The following ZNF516 variants were observed in gnomAD, a reference collection of about 807,000 sequenced individuals.
ZNF516 encodes the protein zinc finger protein 516.
ZNF516 carries 19 observed loss-of-function variants against 79.7 expected under a neutral mutation model. The observed-to-expected ratio is 0.24, with a 90% CI of 0.17 to 0.35. The LOEUF (loss-of-function observed/expected upper bound fraction) is 0.35, where lower values mean the gene tolerates loss of function less well. Ranked by LOEUF, ZNF516 falls within the 10% of genes least tolerant of loss-of-function variation. The pLI, the probability that ZNF516 is intolerant of heterozygous loss-of-function variation, is 1.00. For missense variants in ZNF516, 1,678 were observed against 1,679.5 expected, an observed-to-expected ratio of 1.00 and a Z score of 0.02; for synonymous variants, 877 against 739.5, an observed-to-expected ratio of 1.19 and a Z score of -3.02.
At chr18:76,439,796 T>A (rs1464185553) in intron 3 of ZNF516, among the ~76,000 whole-genome samples, 1 of 152,088 alleles carries the variant, frequency 6.6e-6, no homozygotes, top group African/African-American at 2.4e-5. Flanking sequence ...CAATATTTTG[T>A]CCAGCATGTG....
At chr18:76,450,193 G>GGGGA (rs1912317246) in intron 2 of ZNF516, among the ~76,000 whole-genome samples, 1 of 134,686 alleles carries the variant, frequency 7.4e-6, no homozygotes, top group Non-Finnish European at 1.6e-5. Context: ...AAGGGGGGGG[G>GGGGA]GTGTTTATTT....
In ZNF516 at chr18:76,378,946, G is replaced by A. The variant is rs1456373277; in HGVS notation, c.3168C>T (p.Asp1056=). 6.2e-7 allele frequency: 1 copy of A among 1,613,718 alleles called. No individual in the cohort carries two copies. ...PVAEGHEKRL[D]ILNIFKTYIP... ...TGTACGTCTTAAAGATGTTGAGGAT[G>A]TCCAGGCGCTTCTCATGCCCCTCGG... Residue 1056 remains aspartate, a synonymous_variant, in exon 4 of 7, where the codon GAC becomes GAT. Transcript: ENST00000443185.
At chr18:76,386,180 G>A (rs1308430080) in intron 3 of ZNF516, 1 of 152,270 alleles carries the variant, frequency 6.6e-6, no homozygotes. Context: ...TCTAAGGGAA[G>A]GTTGGGGGCC....
intron 1 of ZNF516, among the ~76,000 whole-genome samples, chr18:76,464,276 G>A (rs1380110709): frequency 6.6e-6 from 1 of 152,222 alleles, no homozygotes; most frequent in East Asian, 1.9e-4. Flanking sequence ...GGAGGCTGAG[G>A]TAGAAGAATC....
Position 76,493,208 on chromosome 18 carries a change from G to A in ZNF516, c.-272+1936C>T. 1 of 973,328 alleles carries A rather than the reference G, an allele frequency of 1.0e-6. No individual in the cohort carries two copies. The highest frequency in any genetic ancestry group is 1.2e-6 in the Non-Finnish European group (1 of 819,136). 60.3% of individuals were successfully genotyped at this position (973,328 alleles called of 1,614,324 possible). On this transcript the variant is annotated intron_variant, in intron 1 of 6. Transcript: ENST00000443185. The surrounding 1 kb of genome is among the most constrained non-coding windows in gnomAD (Gnocchi z 5.2). ...GTTTGCCTTCTTTAAGGAGGGAGGC[G>A]TCAGACGATATCCATTTAAATATAT...
intron 1 of ZNF516, among the ~76,000 whole-genome samples, chr18:76,473,095 C>A (rs564037596): frequency 1.3e-5 from 2 of 152,128 alleles, no homozygotes; most frequent in East Asian, 1.9e-4. Context: ...TTATAAATAC[C>A]GCCACTAGTG....
Position 76,362,494 on chromosome 18 carries a change from G to A in ZNF516, c.*4C>T, listed in dbSNP as rs1041107924. The stretch of plus-strand genomic sequence containing the variant: ...GGGACCTGGGGTGCGTCGGAAACAC[G>A]CCTTTAGGTTCCCTTTCTCAGAGGC... On this transcript the variant is annotated 3_prime_UTR_variant, in exon 7 of 7. Transcript: ENST00000443185. The A allele has an allele frequency of 3.7e-6, 6 of 1,612,900 alleles. No homozygotes were observed. The highest frequency in any genetic ancestry group is 5.1e-6 in the Non-Finnish European group (6 of 1,179,092).
In ZNF516 at chr18:76,491,945, G is replaced by A. The variant is rs988699885; in HGVS notation, c.-272+3199C>T. ...GGGGCGGAAATGGCCCGAGTGGGAG[G>A]GAAGGCGCGGAGTCGGACGCTACCT... On this transcript the variant is annotated intron_variant, in intron 1 of 6. Coordinates refer to ENST00000443185, the MANE Select transcript of ZNF516 (RefSeq NM_014643.4). Among the ~76,000 whole-genome samples the A allele has an allele frequency of 2.0e-5, 3 of 152,214 alleles. No homozygotes were observed. In the South Asian group the frequency reaches 6.2e-4, roughly 32 times the overall value.
chr18:76,402,906 C>G (rs899632973), intron 3 of ZNF516, among the ~76,000 whole-genome samples: 1 of 152,186 alleles, frequency 6.6e-6, no homozygotes, highest in African/African-American at 2.4e-5. Flanking sequence ...GCTCGCAGGA[C>G]AACAAGTGAT....
At chr18:76,495,914 G>T (rs748374333), upstream of ZNF516, 3 of 357,126 alleles carry the variant, frequency 8.4e-6, no homozygotes, top group African/African-American at 4.4e-5. Flanking sequence ...GGTCCCGCTG[G>T]AAAGACTTCA....
chr18:76,413,212 T>C (rs1407908902), intron 3 of ZNF516, among the ~76,000 whole-genome samples: 1 of 152,224 alleles, frequency 6.6e-6, no homozygotes, highest in Non-Finnish European at 1.5e-5. Flanking sequence ...TAGTGACTAA[T>C]TCAATCCTGC....
At chr18:76,402,257 G>A (rs1280265528) in intron 3 of ZNF516, among the ~76,000 whole-genome samples, 1 of 152,140 alleles carries the variant, frequency 6.6e-6, no homozygotes, top group Non-Finnish European at 1.5e-5. Context: ...CACACACTGG[G>A]CTGTCCCGCG....
chr18:76,468,044 G>A (rs1034361968), intron 1 of ZNF516, among the ~76,000 whole-genome samples: 1 of 152,174 alleles, frequency 6.6e-6, no homozygotes, highest in Admixed American at 6.5e-5. Context: ...ACACACCCCA[G>A]CCAGCCCGTG....
At chr18:76,367,433 C>T (rs1484587477) in intron 6 of ZNF516, among the ~76,000 whole-genome samples, 1 of 152,222 alleles carries the variant, frequency 6.6e-6, no homozygotes, top group Non-Finnish European at 1.5e-5. Context: ...GGCTCTCTAT[C>T]CCCTGTGGGA....
chr18:76,395,550 C>T (rs569620317), intron 3 of ZNF516, among the ~76,000 whole-genome samples: 147 of 152,256 alleles, frequency 9.7e-4, no homozygotes, highest in African/African-American at 3.2e-3. Flanking sequence ...ACGTTAAGCA[C>T]AGGCAGCCTC....
intron 3 of ZNF516, among the ~76,000 whole-genome samples, chr18:76,382,564 C>T (rs1018461515): frequency 6.6e-6 from 1 of 152,150 alleles, no homozygotes; most frequent in African/African-American, 2.4e-5. Flanking sequence ...GATCATAAAA[C>T]ATCACCTAGA....
intron 1 of ZNF516, chr18:76,487,822 T>C: frequency 1.7e-6 from 1 of 571,842 alleles, no homozygotes; most frequent in Non-Finnish European, 2.2e-6. Flanking sequence ...TGAAAAATGC[T>C]GTCTCCTCTA....
chr18:76,488,106 A>G, intron 1 of ZNF516: 1 of 984,636 alleles, frequency 1.0e-6, no homozygotes, highest in African/African-American at 1.8e-5. Flanking sequence ...CCTCTCATAC[A>G]CGGGGAGATG....
At chr18:76,365,398 T>C (rs1261171994) in intron 6 of ZNF516, among the ~76,000 whole-genome samples, 1 of 152,230 alleles carries the variant, frequency 6.6e-6, no homozygotes. Context: ...TAATTTCTAA[T>C]GTTTAACAAC....
Sources: gnomAD v4.1 joint callset for allele counts (sites outside exome capture counted in the v4.1 genomes callset) on GRCh38, gnomAD v4.1.1 for gene constraint, Gnocchi (gnomAD v3.1) non-coding constraint, MANE v1.5 for transcripts, NCBI Gene and HGNC (gene_info 2026-07-23, HGNC 2026-07-21) for gene names.